The following PEMT variants were observed in gnomAD, a reference collection of about 807,000 sequenced individuals.
PEMT encodes phospholipid methyltransferase.
A neutral mutation model predicts 27.4 loss-of-function variants in PEMT; 23 were observed. That is an observed-to-expected ratio of 0.84 (90% CI 0.60 to 1.19). The LOEUF (loss-of-function observed/expected upper bound fraction) is 1.19, where lower values mean the gene tolerates loss of function less well. Among genes scored for constraint, PEMT ranks in the 50% most tolerant of loss-of-function variants. The probability of loss-of-function intolerance (pLI) is 0.00; values close to 1 mark genes in which losing one functional copy is unlikely to be tolerated. For synonymous variants in PEMT, 137 were observed against 139.1 expected (o/e 0.98, Z 0.11); for missense variants, 307 against 310.1 (o/e 0.99, Z 0.07).
intron 2 of PEMT, among the ~76,000 whole-genome samples, chr17:17,574,251 A>AC (rs2142735154): frequency 7.0e-6 from 1 of 143,128 alleles, no homozygotes; most frequent in African/African-American, 2.5e-5. Flanking sequence ...GACCAAAAAA[A>AC]AAAAAAAAAA....
intron 2 of PEMT, among the ~76,000 whole-genome samples, chr17:17,526,840 T>C (rs1362333069): frequency 2.6e-5 from 4 of 152,178 alleles, no homozygotes; most frequent in African/African-American, 4.8e-5. Flanking sequence ...GTTTTTCACA[T>C]AAAAGCCAAG....
intron 1 of PEMT, among the ~76,000 whole-genome samples, chr17:17,578,231 G>A (rs892733963): frequency 3.3e-5 from 5 of 150,700 alleles, no homozygotes; most frequent in African/African-American, 9.8e-5. Flanking sequence ...ATGCAGTGGC[G>A]CGTTCATAGC....
chr17:17,579,470 G>A (rs1318195123), intron 1 of PEMT, among the ~76,000 whole-genome samples: 1 of 152,192 alleles, frequency 6.6e-6, no homozygotes, highest in Non-Finnish European at 1.5e-5. Flanking sequence ...CTGAGGTCAG[G>A]AGTTTGAGAC....
At chr17:17,507,072 C>T in intron 5 of PEMT, 2 of 1,183,888 alleles carry the variant, frequency 1.7e-6, no homozygotes, top group Non-Finnish European at 2.4e-6. Context: ...GCAGCGGCAG[C>T]TCGTCAGTGA....
intron 2 of PEMT, among the ~76,000 whole-genome samples, chr17:17,573,284 G>T (rs1401137409): frequency 6.6e-6 from 1 of 151,952 alleles, no homozygotes; most frequent in Non-Finnish European, 1.5e-5. Context: ...GGCCAAGATG[G>T]TGAAACCCCA....
At chr17:17,568,633 A>G (rs1910988313) in intron 2 of PEMT, among the ~76,000 whole-genome samples, 1 of 152,186 alleles carries the variant, frequency 6.6e-6, no homozygotes, top group Non-Finnish European at 1.5e-5. Context: ...TAGCACCTAC[A>G]AGGTCGGCTT....
At chr17:17,548,706 G>A (rs941728321) in intron 2 of PEMT, among the ~76,000 whole-genome samples, 1 of 152,198 alleles carries the variant, frequency 6.6e-6, no homozygotes, top group South Asian at 2.1e-4. Context: ...GCACCACCAC[G>A]CCTGGCTAAG....
intron 2 of PEMT, among the ~76,000 whole-genome samples, chr17:17,553,869 C>T (rs893809590): frequency 5.3e-5 from 8 of 152,246 alleles, no homozygotes; most frequent in Non-Finnish European, 7.3e-5. Flanking sequence ...GTCCCTGCCA[C>T]GACAGGAGAG....
chr17:17,576,794 C>G, intron 2 of PEMT, 126 bp downstream of exon 2: 1 of 745,624 alleles, frequency 1.3e-6, no homozygotes, highest in South Asian at 1.6e-5. Flanking sequence ...GCGACAGACA[C>G]GGGAGGGAAG....
intron 2 of PEMT, among the ~76,000 whole-genome samples, chr17:17,573,431 C>T (rs988101229): frequency 5.4e-5 from 8 of 148,434 alleles, no homozygotes; most frequent in Middle Eastern, 3.4e-3. Flanking sequence ...CATGCCACTG[C>T]ACTCCAGCCT....
At chr17:17,571,963 T>C (rs1296979933) in intron 2 of PEMT, among the ~76,000 whole-genome samples, 1 of 152,174 alleles carries the variant, frequency 6.6e-6, no homozygotes, top group Non-Finnish European at 1.5e-5. Context: ...CCTCCCAAAG[T>C]GCTTGGGATT....
intron 2 of PEMT, among the ~76,000 whole-genome samples, chr17:17,555,656 G>A (rs1483830843): frequency 2.6e-5 from 4 of 152,204 alleles, no homozygotes; most frequent in African/African-American, 9.6e-5. Flanking sequence ...TCCCCTGAAA[G>A]CCAATTTGGT....
chr17:17,528,519 G>A (rs1567686062), intron 2 of PEMT, among the ~76,000 whole-genome samples: 1 of 152,238 alleles, frequency 6.6e-6, no homozygotes, highest in Non-Finnish European at 1.5e-5. Flanking sequence ...CGCCTTGCAG[G>A]GAGCCAGGAA....
chr17:17,572,994 G>A lies in PEMT; in HGVS notation c.204+3926C>T, dbSNP rs554946162. ...ACCTGAGGTCAGGAGTTCGACACCA[G>A]CCTTGCCAACATGGTGAAACCCTGT... On this transcript the variant is annotated intron_variant, in intron 2 of 6. Coordinates refer to ENST00000255389, the MANE Select transcript of PEMT (RefSeq NM_148172.3). Among the ~76,000 whole-genome samples the A allele has an allele frequency of 2.0e-5, 3 of 151,468 alleles. No individual in the cohort carries two copies. In the East Asian group the frequency reaches 5.9e-4, roughly 30 times the overall value.
chr17:17,578,394 G>A (rs1372897616), intron 1 of PEMT, among the ~76,000 whole-genome samples: 1 of 151,994 alleles, frequency 6.6e-6, no homozygotes, highest in Non-Finnish European at 1.5e-5. Context: ...AGTTACTTGG[G>A]AGGCCAAGGC....
At chr17:17,559,969 CCTACCGG>C (rs1230318049) in intron 2 of PEMT, among the ~76,000 whole-genome samples, 1 of 152,214 alleles carries the variant, frequency 6.6e-6, no homozygotes, top group African/African-American at 2.4e-5. Flanking sequence ...GCCTCTGAGG[CCTACCGG>C]CTACTCTACC....
At chr17:17,530,107 C>G (rs530494029) in intron 2 of PEMT, among the ~76,000 whole-genome samples, 1 of 152,262 alleles carries the variant, frequency 6.6e-6, no homozygotes, top group South Asian at 2.1e-4. Context: ...CAAAACTGAT[C>G]AAAATTATTA....
chr17:17,569,422 G>A (rs1911042799), intron 2 of PEMT, among the ~76,000 whole-genome samples: 1 of 152,148 alleles, frequency 6.6e-6, no homozygotes, highest in Non-Finnish European at 1.5e-5. Context: ...GGATGGACTT[G>A]GGTGTCCCCA....
rs549060327 is a variant in PEMT, at chr17:17,508,471, G to A, written c.578+963C>T. Among the ~76,000 whole-genome samples the A allele has an allele frequency of 3.3e-5, 5 of 152,356 alleles. No individual in the cohort carries two copies. The South Asian group carries it at 1.0e-3, about 32-fold the overall frequency. On this transcript the variant is annotated intron_variant, in intron 5 of 6. Transcript: ENST00000255389. The stretch of plus-strand genomic sequence containing the variant: ...CCCAACTGCTGAAGGTGGGAGCCAG[G>A]AGGCAACATCTTGCGCTTGACATTC...
Sources: gnomAD v4.1 joint callset for allele counts (sites outside exome capture counted in the v4.1 genomes callset) on GRCh38, gnomAD v4.1.1 for gene constraint, MANE v1.5 for transcripts, NCBI Gene and HGNC (gene_info 2026-07-23, HGNC 2026-07-21) for gene names.